The following SH2D4B variants were observed in gnomAD, a reference collection of about 807,000 sequenced individuals.
The protein encoded by SH2D4B is SH2 domain-containing protein 4B.
In SH2D4B, 45 loss-of-function variants were observed where a neutral mutation model predicts 61.5. That is an observed-to-expected ratio of 0.73 (90% CI 0.58 to 0.94). The LOEUF (loss-of-function observed/expected upper bound fraction) is 0.94, where lower values mean the gene tolerates loss of function less well. SH2D4B is among the 40% of genes least tolerant of loss of function. The probability of loss-of-function intolerance (pLI) is 0.00; values close to 1 mark genes in which losing one functional copy is unlikely to be tolerated. For synonymous variants in SH2D4B, 224 were observed against 220.4 expected (o/e 1.02, Z -0.14); for missense variants, 572 against 574.2 (o/e 1.00, Z 0.04).
intron 4 of SH2D4B, among the ~76,000 whole-genome samples, chr10:80,602,322 G>C (rs1431822112): frequency 2.0e-5 from 3 of 152,208 alleles, no homozygotes; most frequent in South Asian, 4.2e-4. Context: ...ACTTAGATGG[G>C]CATGGTGGCG....
chr10:80,555,691 G>A (rs1396085215), intron 1 of SH2D4B, among the ~76,000 whole-genome samples: 1 of 152,182 alleles, frequency 6.6e-6, no homozygotes, highest in Non-Finnish European at 1.5e-5. Context: ...TTTTGTCCTA[G>A]TCGGCCTGAA....
At chr10:80,623,985 A>C (rs1232613379) in intron 6 of SH2D4B, among the ~76,000 whole-genome samples, 1 of 152,072 alleles carries the variant, frequency 6.6e-6, no homozygotes, top group East Asian at 1.9e-4. Context: ...TAGAGGGTGC[A>C]TGTGTACTTT....
At chr10:80,553,409 T>C (rs1441896673) in intron 1 of SH2D4B, among the ~76,000 whole-genome samples, 1 of 152,250 alleles carries the variant, frequency 6.6e-6, no homozygotes, top group Non-Finnish European at 1.5e-5. Context: ...GGAACAGGAC[T>C]GACAGCAGGG....
chr10:80,633,047 TA>T (rs1842850116), intron 6 of SH2D4B, among the ~76,000 whole-genome samples: 1 of 151,962 alleles, frequency 6.6e-6, no homozygotes, highest in Admixed American at 6.5e-5. Context: ...CTCTGTGTCC[TA>T]TGCCTTGGGC....
At position 80,645,067 on chromosome 10, in the gene SH2D4B, G is replaced by A. The variant is rs930247410; in HGVS notation, c.*982G>A. The A allele has an allele frequency of 6.6e-6, 1 of 152,218 alleles. No individual in the cohort carries two copies. The highest frequency in any genetic ancestry group is 1.5e-5 in the Non-Finnish European group (1 of 68,030). 9.4% of individuals were successfully genotyped at this position (152,218 alleles called of 1,614,324 possible). A position where few individuals can be genotyped will look rare whatever the true frequency, so the allele number is the denominator to read the frequency against. On this transcript the variant is annotated 3_prime_UTR_variant, in exon 8 of 8. Coordinates refer to ENST00000646907, the MANE Select transcript of SH2D4B (RefSeq NM_001388272.1). The stretch of plus-strand genomic sequence containing the variant: ...AGTTATGGCCATATACACAGAGGTA[G>A]TATATGATGAAGAGAAGATTACAGT...
At chr10:80,631,174 G>T (rs764074488) in intron 6 of SH2D4B, among the ~76,000 whole-genome samples, 2 of 152,212 alleles carry the variant, frequency 1.3e-5, no homozygotes, top group African/African-American at 4.8e-5. Context: ...ATGTCGAAGA[G>T]ATATCTATAC....
chr10:80,595,260 G>C (rs1842372651), intron 4 of SH2D4B, among the ~76,000 whole-genome samples: 1 of 152,180 alleles, frequency 6.6e-6, no homozygotes, highest in Non-Finnish European at 1.5e-5. Context: ...GCACAGTGCA[G>C]TGCAAGCCTC....
At chr10:80,568,443 TAACAGCAGCC>T in intron 1 of SH2D4B, among the ~76,000 whole-genome samples, 1 of 152,222 alleles carries the variant, frequency 6.6e-6, no homozygotes, top group South Asian at 2.1e-4. Context: ...AATAAAAGGC[TAACAGCAGCC>T]TCTGGGAAGC....
At chr10:80,577,725 CT>C (rs548024101) in intron 3 of SH2D4B, among the ~76,000 whole-genome samples, 21 of 146,832 alleles carry the variant, frequency 1.4e-4, no homozygotes, top group East Asian at 6.0e-4. Context: ...AGCGCCCGGC[CT>C]TTTTTTTTTG....
intron 6 of SH2D4B, among the ~76,000 whole-genome samples, chr10:80,625,939 G>A (rs1842763623): frequency 1.3e-5 from 2 of 152,130 alleles, no homozygotes; most frequent in Non-Finnish European, 2.9e-5. Context: ...AGACAGGGAA[G>A]GCTGACTCTA....
chr10:80,538,733 C>T lies in SH2D4B; in HGVS notation c.184+218C>T, dbSNP rs755488103. 6.6e-5 allele frequency among the ~76,000 whole-genome samples: 10 copies of T among 152,190 alleles called. No homozygotes were observed. Among genetic ancestry groups the T allele is most frequent in the Non-Finnish European group, 7.3e-5 (5 of 68,036 alleles). ...CGAGGCTGCTGCAGAGGCTGTCCAG[C>T]GGCCCTTATTGGAGTCGGGGAGTTG... is the stretch of plus-strand genomic sequence containing the variant. On this transcript the variant is annotated intron_variant, in intron 1 of 7. Coordinates refer to ENST00000646907, the MANE Select transcript of SH2D4B (RefSeq NM_001388272.1). This position sits in a 1 kb window ranked among gnomAD's most constrained non-coding sequence, Gnocchi z 4.8.
At chr10:80,628,204 GCTGTGT>G (rs1842785299) in intron 6 of SH2D4B, among the ~76,000 whole-genome samples, 1 of 152,208 alleles carries the variant, frequency 6.6e-6, no homozygotes. Flanking sequence ...ATATGGTTTT[GCTGTGT>G]CCCCACCCAA....
intron 4 of SH2D4B, among the ~76,000 whole-genome samples, chr10:80,602,103 T>G (rs1447729327): frequency 6.6e-6 from 1 of 152,212 alleles, no homozygotes; most frequent in Middle Eastern, 3.2e-3. Context: ...ATTTGAGATT[T>G]AGAAGCACAG....
chr10:80,638,414 C>T lies in SH2D4B; in HGVS notation c.1209+3909C>T, dbSNP rs12241457. The stretch of plus-strand genomic sequence containing the variant: ...GAATTTAGCTGTGAATCCGTGTGGT[C>T]CTGGACTTTTTTTGGTTGGTAGTCT... On this transcript the variant is annotated intron_variant, in intron 7 of 7. Transcript: ENST00000646907. 7.8e-3 allele frequency among the ~76,000 whole-genome samples: 1,190 copies of T among 152,232 alleles called. 16 individuals carry two copies. Among genetic ancestry groups the T allele is most frequent in the African/African-American group, 0.028 (1,143 of 41,522 alleles).
chr10:80,586,634 C>G (rs995698841), intron 3 of SH2D4B, among the ~76,000 whole-genome samples: 1 of 152,160 alleles, frequency 6.6e-6, no homozygotes, highest in Non-Finnish European at 1.5e-5. Context: ...GACCACTGGG[C>G]TCTCTGTAAA....
chr10:80,609,302 C>G (rs1842562745), intron 5 of SH2D4B, 122 bp from the exon 6 acceptor site: 1 of 977,790 alleles, frequency 1.0e-6, no homozygotes, highest in Non-Finnish European at 1.5e-6. Context: ...TCTTCCACCC[C>G]CCCTTCCTCC....
At chr10:80,554,186 G>A (rs1260843958) in intron 1 of SH2D4B, among the ~76,000 whole-genome samples, 2 of 152,206 alleles carry the variant, frequency 1.3e-5, no homozygotes, top group African/African-American at 4.8e-5. Flanking sequence ...TGTGTTAAGA[G>A]AACACATCGC....
At chr10:80,562,525 T>G (rs772218070) in intron 1 of SH2D4B, among the ~76,000 whole-genome samples, 3 of 152,238 alleles carry the variant, frequency 2.0e-5, no homozygotes, top group Non-Finnish European at 4.4e-5. Flanking sequence ...ATTTCTCTGT[T>G]TATAATCACT....
chr10:80,639,934 C>T (rs2132166637), intron 7 of SH2D4B, among the ~76,000 whole-genome samples: 1 of 152,232 alleles, frequency 6.6e-6, no homozygotes, highest in South Asian at 2.1e-4. Context: ...ACTGGTTGTT[C>T]CTTTCCATGT....
Sources: allele counts gnomAD v4.1 joint callset (sites outside exome capture counted in the v4.1 genomes callset), GRCh38; gene constraint gnomAD v4.1.1; non-coding constraint Gnocchi (gnomAD v3.1); transcripts MANE v1.5; gene names NCBI Gene and HGNC (gene_info 2026-07-23, HGNC 2026-07-21).